The following SMYD3 variants were observed in gnomAD, a reference collection of about 807,000 sequenced individuals.
The protein encoded by SMYD3 is SET and MYND domain containing 3.
A neutral mutation model predicts 57.7 loss-of-function variants in SMYD3; 36 were observed. The observed-to-expected ratio is 0.62, with a 90% confidence interval of 0.48 to 0.82. The LOEUF (loss-of-function observed/expected upper bound fraction) is 0.82. Among genes scored for constraint, SMYD3 ranks in the 40% least tolerant of loss-of-function variants. The pLI is 0.00. For synonymous variants in SMYD3, 211 were observed against 195.0 expected (o/e 1.08, Z -0.68); for missense variants, 515 against 538.8 (o/e 0.96, Z 0.44).
intron 10 of SMYD3, among the ~76,000 whole-genome samples, chr1:245,787,146 C>T (rs2047075952): frequency 6.6e-6 from 1 of 152,058 alleles, no homozygotes; most frequent in Non-Finnish European, 1.5e-5. Flanking sequence ...GGCCGAACCA[C>T]AGCCTTGCTA....
chr1:245,894,728 C>G (rs561027717), intron 8 of SMYD3, among the ~76,000 whole-genome samples: 1 of 152,156 alleles, frequency 6.6e-6, no homozygotes, highest in Non-Finnish European at 1.5e-5. Context: ...ATGTGTTGGG[C>G]TGGGGATGGT....
intron 5 of SMYD3, among the ~76,000 whole-genome samples, chr1:246,286,162 T>C (rs1338599808): frequency 6.6e-6 from 1 of 152,210 alleles, no homozygotes; most frequent in Non-Finnish European, 1.5e-5. Flanking sequence ...GAAGTCATTA[T>C]ATGAGAAAGA....
At chr1:246,235,488 T>C (rs912280173) in intron 5 of SMYD3, among the ~76,000 whole-genome samples, 3 of 152,166 alleles carry the variant, frequency 2.0e-5, no homozygotes, top group Non-Finnish European at 2.9e-5. Context: ...ATAAACACAG[T>C]TGTGGGTCTC....
intron 5 of SMYD3, among the ~76,000 whole-genome samples, chr1:246,311,064 C>G (rs1265150759): frequency 6.6e-6 from 1 of 152,126 alleles, no homozygotes; most frequent in Non-Finnish European, 1.5e-5. Context: ...AATGATCACA[C>G]TGACTGAGAG....
At chr1:246,123,968 A>G (rs55767967) in intron 5 of SMYD3, among the ~76,000 whole-genome samples, 70,905 of 150,590 alleles carry the variant, frequency 0.47, 20,543 homozygotes, top group Non-Finnish European at 0.66. Flanking sequence ...TTGTCACTAT[A>G]TCTATATCTA....
Position 246,029,261 on chromosome 1 carries a change from T to C in SMYD3, c.532-99324A>G, listed in dbSNP as rs1468945717. Among the ~76,000 whole-genome samples the C allele has an allele frequency of 2.6e-5, 4 of 152,156 alleles. No homozygotes were observed. In the East Asian group the frequency reaches 5.8e-4, roughly 22 times the overall value. On this transcript the variant is annotated intron_variant, in intron 5 of 11. Transcript: ENST00000490107. The stretch of plus-strand genomic sequence containing the variant: ...ACAGCAAAGAAAACAATCAAGAGAC[T>C]GAAGAGACAATCTGTAGCAATAAAT...
rs55996523 is a variant in SMYD3, at chr1:246,376,589, T to TAAAAAAA, written c.165-21502_165-21496dup. 8.2e-5 allele frequency among the ~76,000 whole-genome samples: 7 copies of TAAAAAAA among 85,170 alleles called. No homozygotes were observed. The East Asian group carries it at 1.2e-3, about 15-fold the overall frequency. The allele number at this position is 85,170 out of a possible 152,430, so 55.9% of individuals were successfully genotyped here. On this transcript the variant is annotated intron_variant, in intron 1 of 11. Coordinates refer to ENST00000490107, the MANE Select transcript of SMYD3 (RefSeq NM_001167740.2). ...CTGGGCAACAGTGCGACACTCCATC[T>TAAAAAAA]AAAAAAAAAAAAAAAAAAAAACTAA...
At chr1:246,032,265 G>C (rs533118305) in intron 5 of SMYD3, among the ~76,000 whole-genome samples, 1 of 152,110 alleles carries the variant, frequency 6.6e-6, no homozygotes, top group Non-Finnish European at 1.5e-5. Flanking sequence ...ACAGGAAGGG[G>C]CTGCAATTCC....
intron 5 of SMYD3, among the ~76,000 whole-genome samples, chr1:246,033,613 C>G (rs932187401): frequency 6.6e-6 from 1 of 152,034 alleles, no homozygotes; most frequent in Non-Finnish European, 1.5e-5. Flanking sequence ...ATGGTGAAAC[C>G]CCATCTCCAT....
intron 5 of SMYD3, among the ~76,000 whole-genome samples, chr1:246,233,828 T>C (rs1455898568): frequency 7.5e-6 from 1 of 133,056 alleles, no homozygotes; most frequent in African/African-American, 2.8e-5. Flanking sequence ...GGAGAAGCAC[T>C]CCTTCAATCC....
intron 10 of SMYD3, among the ~76,000 whole-genome samples, chr1:245,817,647 GA>G (rs1192184919): frequency 1.3e-5 from 2 of 151,496 alleles, no homozygotes; most frequent in African/African-American, 2.4e-5. Flanking sequence ...TGAAAACTTT[GA>G]AAAAAATTTA....
intron 8 of SMYD3, among the ~76,000 whole-genome samples, chr1:245,889,064 C>A (rs1291730946): frequency 6.6e-6 from 1 of 152,138 alleles, no homozygotes; most frequent in Non-Finnish European, 1.5e-5. Context: ...TGAAATTTAA[C>A]CTCTTTCCAT....
At chr1:246,298,941 T>C (rs2064843975) in intron 5 of SMYD3, among the ~76,000 whole-genome samples, 1 of 152,056 alleles carries the variant, frequency 6.6e-6, no homozygotes, top group African/African-American at 2.4e-5. Context: ...TTGGCAAGGA[T>C]GAAAAAGAGT....
In SMYD3 at chr1:246,384,918, T is replaced by A. The variant is rs144137881; in HGVS notation, c.165-29824A>T. ...TGATTTTCTTCATACCTCAGAAATA[T>A]TTCACCCATGGGACATTACATAATA... On this transcript the variant is annotated intron_variant, in intron 1 of 11. Coordinates refer to ENST00000490107, the MANE Select transcript of SMYD3 (RefSeq NM_001167740.2). 4.1e-4 allele frequency among the ~76,000 whole-genome samples: 63 copies of A among 152,200 alleles called. 1 individual carries two copies. Among genetic ancestry groups the A allele is most frequent in the African/African-American group, 1.2e-3 (51 of 41,516 alleles).
At chr1:246,254,581 C>A (rs1311047834) in intron 5 of SMYD3, among the ~76,000 whole-genome samples, 1 of 152,146 alleles carries the variant, frequency 6.6e-6, no homozygotes, top group African/African-American at 2.4e-5. Flanking sequence ...ATGCCTCTGG[C>A]TTTGGGCTTT....
chr1:245,856,423 A>G (rs1890819), intron 10 of SMYD3, among the ~76,000 whole-genome samples: 10,525 of 152,282 alleles, frequency 0.069, 1,203 homozygotes, highest in African/African-American at 0.24. Flanking sequence ...GTCACCCAGC[A>G]TAAGAACACA....
chr1:245,858,720 A>C (rs775506856), intron 9 of SMYD3, 50 bp from the exon 10 acceptor site: 2 of 1,570,496 alleles, frequency 1.3e-6, no homozygotes, highest in Non-Finnish European at 1.7e-6. Flanking sequence ...AGAAAAAAAC[A>C]AACAAAATTA....
chr1:246,323,091 G>A (rs138392034), intron 5 of SMYD3, among the ~76,000 whole-genome samples: 5 of 152,222 alleles, frequency 3.3e-5, no homozygotes, highest in East Asian at 1.9e-4. Context: ...TGAAATTTAC[G>A]TCAGTTTCCA....
intron 10 of SMYD3, among the ~76,000 whole-genome samples, chr1:245,811,507 C>A (rs1424452019): frequency 2.0e-5 from 3 of 152,100 alleles, no homozygotes; most frequent in Non-Finnish European, 4.4e-5. Context: ...TTTTAAAGGA[C>A]TGGGCTTAGG....
Sources: gnomAD v4.1 joint callset for allele counts (sites outside exome capture counted in the v4.1 genomes callset) on GRCh38, gnomAD v4.1.1 for gene constraint, MANE v1.5 for transcripts, NCBI Gene and HGNC (gene_info 2026-07-23, HGNC 2026-07-21) for gene names.